USP9X: variants seen among roughly 807,000 people sequenced by gnomAD.
The protein encoded by USP9X is ubiquitin specific peptidase 9 X-linked, also known as ubiquitin carboxyl-terminal hydrolase 9X.
In USP9X, 7 loss-of-function variants were observed where a neutral mutation model predicts 190.3. The observed-to-expected ratio is 0.04, with a 90% CI of 0.02 to 0.07. USP9X has a LOEUF of 0.07. Among genes scored for constraint, USP9X ranks in the 10% least tolerant of loss-of-function variants. USP9X has a pLI of 1.00. For missense variants in USP9X, 1,010 were observed against 1,916.9 expected (o/e 0.53, Z 8.83); for synonymous variants, 645 against 659.5 (o/e 0.98, Z 0.34).
At position 41,232,772 on chromosome X, in the gene USP9X, A is replaced by T; in HGVS notation, c.*248A>T. 1 of 225,943 alleles carries T rather than the reference A, an allele frequency of 4.4e-6. No homozygotes were observed. Among genetic ancestry groups the T allele is most frequent in the Middle Eastern group, 1.4e-3 (1 of 708 alleles). The allele number at this position is 225,943 out of a possible 1,213,427, so 18.6% of individuals were successfully genotyped here. Reference sequence around the variant, plus strand: ...TGTAAATGGCAAAGGTGTATATAGTATATTAATGTTGACTGTTAATTCTTA... The same window carrying T: ...TGTAAATGGCAAAGGTGTATATAGTTTATTAATGTTGACTGTTAATTCTTA... On this transcript the variant is annotated 3_prime_UTR_variant, in exon 45 of 45. Coordinates refer to ENST00000378308, the MANE Select transcript of USP9X (RefSeq NM_001039591.3).
chrX:41,186,083 C>T (rs2062872326), intron 23 of USP9X, among the ~76,000 whole-genome samples: 1 of 110,937 alleles, frequency 9.0e-6, no homozygotes, highest in Non-Finnish European at 1.9e-5. Context: ...TACATTAGTC[C>T]TCTTACTGCT....
chrX:41,186,555 A>G lies in USP9X; in HGVS notation c.3597A>G (p.Gln1199=). The change falls in exon 24 of 45, where the codon CAA becomes CAG. Residue 1199 remains glutamine, a synonymous_variant. Transcript: ENST00000378308. ...QVTHDQAVVL[Q]SALQSIPNPS... Reference sequence around the variant, plus strand: ...CCCATGATCAAGCAGTGGTGCTACAAAGTGCCCTTCAGAGCATTCCTAATC... The same window carrying G: ...CCCATGATCAAGCAGTGGTGCTACAGAGTGCCCTTCAGAGCATTCCTAATC... 2.5e-6 allele frequency: 3 copies of G among 1,211,263 alleles called. No individual in the cohort carries two copies. The highest frequency in any genetic ancestry group is 2.2e-5 in the Admixed American group (1 of 46,017).
intron 5 of USP9X, among the ~76,000 whole-genome samples, chrX:41,135,948 T>C (rs1235103686): frequency 9.0e-6 from 1 of 111,263 alleles, no homozygotes; most frequent in Non-Finnish European, 1.9e-5. Flanking sequence ...TTTTGTATAC[T>C]ATGGAAATGG....
chrX:41,116,709 ATT>A (rs1487346287), intron 1 of USP9X, among the ~76,000 whole-genome samples: 10 of 112,019 alleles, frequency 8.9e-5, no homozygotes, highest in African/African-American at 3.2e-4. Context: ...GAAAATTTAC[ATT>A]TTTTTGAGAA....
intron 14 of USP9X, among the ~76,000 whole-genome samples, chrX:41,156,908 G>A (rs1242179662): frequency 2.7e-5 from 3 of 111,739 alleles, no homozygotes; most frequent in Non-Finnish European, 5.6e-5. Flanking sequence ...CACAGGATGA[G>A]CAACCAGAAA....
chrX:41,177,468 G>A (rs2062785487), intron 21 of USP9X, among the ~76,000 whole-genome samples: 1 of 112,028 alleles, frequency 8.9e-6, no homozygotes, highest in Admixed American at 9.4e-5. Context: ...AGTACTACTT[G>A]TATGTTGATG....
At chrX:41,171,772 C>G (rs975322508) in intron 20 of USP9X, 66 bp from the exon 21 acceptor site, 6 of 1,140,975 alleles carry the variant, frequency 5.3e-6, no homozygotes, top group South Asian at 3.7e-5. Flanking sequence ...GAGAAACTTA[C>G]TTGGGCTTTT....
intron 1 of USP9X, among the ~76,000 whole-genome samples, chrX:41,102,927 G>T (rs1311011040): frequency 9.0e-6 from 1 of 110,918 alleles, no homozygotes; most frequent in Admixed American, 9.6e-5. Context: ...CTAGTAGCTG[G>T]GATTATAGGC....
chrX:41,142,368 G>A lies in USP9X; in HGVS notation c.1162-923G>A, dbSNP rs540304479. ...GTTTTACAAAATTATCTGTGGCTCT[G>A]CAGTGGCTCACGCATGTAATCCCAG... On this transcript the variant is annotated intron_variant, in intron 9 of 44. Transcript: ENST00000378308. 7.7e-4 allele frequency among the ~76,000 whole-genome samples: 86 copies of A among 111,552 alleles called. 1 individual carries two copies. The South Asian group carries it at 0.022, about 29-fold the overall frequency.
At chrX:41,095,352 TGAGATC>T (rs2061981877) in intron 1 of USP9X, among the ~76,000 whole-genome samples, 1 of 111,757 alleles carries the variant, frequency 8.9e-6, no homozygotes, top group Non-Finnish European at 1.9e-5. Context: ...GGGATCAACT[TGAGATC>T]AGGCAGGGTT....
intron 44 of USP9X, among the ~76,000 whole-genome samples, chrX:41,231,013 T>C (rs1439802475): frequency 9.0e-6 from 1 of 111,393 alleles, no homozygotes; most frequent in African/African-American, 3.3e-5. Flanking sequence ...ATGGTAAAAA[T>C]CACTGGAAAA....
At position 41,123,723 on chromosome X, in the gene USP9X, A is replaced by G; in HGVS notation, c.95A>G (p.Gln32Arg). The G allele has an allele frequency of 8.3e-7, 1 of 1,209,094 alleles. No homozygotes were observed. Among genetic ancestry groups the G allele is most frequent in the East Asian group, 3.0e-5 (1 of 33,817 alleles). Residue 32 changes from glutamine to arginine, a missense_variant and splice_region_variant, in exon 2 of 45, where the codon CAG becomes CGG. Transcript: ENST00000378308. ...GQSQPPLQQN[Q>R]TSSPDSSNEN... is the part of the protein sequence containing the mutation. ...TCTCAGCCCCCCCTCCAACAGAATCAGGTAGGATGTTGAAGATACTAGTTA... is the reference window on the plus strand; with the variant it reads ...TCTCAGCCCCCCCTCCAACAGAATCGGGTAGGATGTTGAAGATACTAGTTA...
chrX:41,187,975 T>C lies in USP9X; in HGVS notation c.3685-17T>C. The C allele has an allele frequency of 8.3e-7, 1 of 1,200,283 alleles. No individual in the cohort carries two copies. The highest frequency in any genetic ancestry group is 1.1e-6 in the Non-Finnish European group (1 of 889,339). On this transcript the variant is annotated splice_polypyrimidine_tract_variant and intron_variant, in intron 24 of 44. Coordinates refer to ENST00000378308, the MANE Select transcript of USP9X (RefSeq NM_001039591.3). ...CTCTCATTCTATCAACAGTTCTATT[T>C]ACTCGTTATCTTGCAGGCTTCAAGA...
chrX:41,189,354 T>A lies in USP9X; in HGVS notation c.3856T>A (p.Cys1286Ser). The change falls in exon 26 of 45, where the codon TGT (cysteine) becomes AGT (serine). Residue 1286 changes from cysteine (C) to serine (S), a missense_variant. Cys to Ser is a moderately radical substitution (Grantham distance 112). Transcript: ENST00000378308. Reference protein sequence around the residue: ...EPDLEDEQVCCEALEVMTLCF... With the variant: ...EPDLEDEQVCSEALEVMTLCF... Reference sequence around the variant, plus strand: ...AGACTTGGAAGACGAACAGGTTTGCTGTGAAGCATTGGAAGTGATGACCTT... The same window carrying A: ...AGACTTGGAAGACGAACAGGTTTGCAGTGAAGCATTGGAAGTGATGACCTT... The A allele has an allele frequency of 8.3e-7, 1 of 1,211,771 alleles. No individual in the cohort carries two copies. The highest frequency in any genetic ancestry group is 1.1e-6 in the Non-Finnish European group (1 of 895,188).
At chrX:41,218,311 C>T in intron 36 of USP9X, 61 bp from the exon 37 acceptor site, 1 of 1,114,029 alleles carries the variant, frequency 9.0e-7, no homozygotes, top group African/African-American at 1.8e-5. Context: ...GAGACTCATC[C>T]TTTTACTATA....
At chrX:41,230,389 G>T in intron 43 of USP9X, 112 bp from the exon 44 acceptor site, 7 of 557,721 alleles carry the variant, frequency 1.3e-5, no homozygotes, top group Non-Finnish European at 1.6e-5. Flanking sequence ...TAAAAGAAAA[G>T]TTGCTAATGG....
intron 14 of USP9X, among the ~76,000 whole-genome samples, chrX:41,154,038 T>C (rs922408344): frequency 6.3e-5 from 7 of 111,999 alleles, no homozygotes; most frequent in Non-Finnish European, 1.3e-4. Context: ...TTAATACTTA[T>C]GTACATTTCC....
rs181244281 is a variant in USP9X at position 41,184,651 on chromosome X, A to G, written c.3534A>G (p.Val1178=). 1.7e-6 allele frequency: 2 copies of G among 1,210,085 alleles called. No individual in the cohort carries two copies. The highest frequency in any genetic ancestry group is 4.4e-5 in the Admixed American group (2 of 45,801). Residue 1178 remains valine (V), a synonymous_variant, in exon 23 of 45, where the codon GTA becomes GTG. Transcript: ENST00000378308. ...RAVAEACQPG[V]EGVNPMTQIN... is the part of the protein sequence containing the mutation. ...TGGCAGAAGCTTGTCAGCCAGGTGT[A>G]GAAGGTGTGAATCCCATGACACAGG...
chrX:41,201,117 A>G lies in USP9X; in HGVS notation c.4661A>G (p.Lys1554Arg), dbSNP rs769066060. ...CCACCTGTTGGACCCCGCCCACCCA[A>G]AGGATTCGTGGGGCTGAAAAATGCC... ...YLPPVGPRPP[K>R]GFVGLKNAGA... The change falls in exon 31 of 45, where the codon AAA (lysine) becomes AGA (arginine). Residue 1554 changes from lysine to arginine, a missense_variant. Lys to Arg is a conservative substitution (Grantham distance 26, BLOSUM62 2). Coordinates refer to ENST00000378308, the MANE Select transcript of USP9X (RefSeq NM_001039591.3). 1 of 1,211,579 alleles carries G rather than the reference A, an allele frequency of 8.3e-7. No individual in the cohort carries two copies. The highest frequency in any genetic ancestry group is 1.8e-5 in the South Asian group (1 of 56,986).
Sources: gnomAD v4.1 joint callset for allele counts (sites outside exome capture counted in the v4.1 genomes callset) on GRCh38, gnomAD v4.1.1 for gene constraint, MANE v1.5 for transcripts, NCBI Gene and HGNC (gene_info 2026-07-23, HGNC 2026-07-21) for gene names.